The following METTL8 variants were observed in gnomAD, a reference collection of about 807,000 sequenced individuals.
METTL8 encodes methyltransferase 8, tRNA N3-cytidine, also known as tRNA N(3)-cytidine methyltransferase METTL8, mitochondrial.
A neutral mutation model predicts 48.7 loss-of-function variants in METTL8; 32 were observed. The observed-to-expected ratio is 0.66, with a 90% confidence interval of 0.50 to 0.88. METTL8 has a LOEUF of 0.88. METTL8 is among the 40% of genes least tolerant of loss of function. The pLI, the probability that METTL8 is intolerant of heterozygous loss-of-function variation, is 0.00. For missense variants in METTL8, 464 were observed against 474.4 expected, an observed-to-expected ratio of 0.98 and a Z score of 0.20; for synonymous variants, 136 against 157.1, an observed-to-expected ratio of 0.87 and a Z score of 1.01.
At chr2:171,386,695 T>G (rs1236592401) in intron 2 of METTL8, among the ~76,000 whole-genome samples, 3 of 151,984 alleles carry the variant, frequency 2.0e-5, no homozygotes, top group Non-Finnish European at 1.5e-5. Flanking sequence ...GAAGCGCTAC[T>G]TAGAGGAGGA....
intron 2 of METTL8, among the ~76,000 whole-genome samples, chr2:171,387,818 T>C (rs1439803743): frequency 6.6e-6 from 1 of 151,934 alleles, no homozygotes; most frequent in African/African-American, 2.4e-5. Context: ...ATCAATGTAT[T>C]CCCTTTCAAA....
At chr2:171,421,257 T>C (rs1691843803) in intron 1 of METTL8, among the ~76,000 whole-genome samples, 1 of 152,118 alleles carries the variant, frequency 6.6e-6, no homozygotes, top group African/African-American at 2.4e-5. Flanking sequence ...CTAGCAAACA[T>C]ATAGTTAGAA....
At chr2:171,416,795 C>T (rs1368061890) in intron 1 of METTL8, among the ~76,000 whole-genome samples, 1 of 152,210 alleles carries the variant, frequency 6.6e-6, no homozygotes, top group African/African-American at 2.4e-5. Context: ...CACATAGCCA[C>T]AAGAGCCCAC....
chr2:171,352,158 G>A (rs1417184736), intron 3 of METTL8, among the ~76,000 whole-genome samples: 1 of 152,054 alleles, frequency 6.6e-6, no homozygotes, highest in Middle Eastern at 3.2e-3. Context: ...ATTGAGAGTT[G>A]TTTTAGCAAG....
intron 5 of METTL8, among the ~76,000 whole-genome samples, chr2:171,334,418 G>A (rs75701670): frequency 0.025 from 3,785 of 152,204 alleles, 150 homozygotes; most frequent in African/African-American, 0.086. Context: ...GCAAACAGGT[G>A]TAAATATCAC....
At chr2:171,425,415 A>G (rs1232908562) in intron 1 of METTL8, among the ~76,000 whole-genome samples, 1 of 152,168 alleles carries the variant, frequency 6.6e-6, no homozygotes, top group Non-Finnish European at 1.5e-5. Flanking sequence ...CATCTCCTTC[A>G]TAGGTTACTT....
At chr2:171,395,324 A>G (rs1027525437) in intron 1 of METTL8, among the ~76,000 whole-genome samples, 1 of 152,246 alleles carries the variant, frequency 6.6e-6, no homozygotes, top group Admixed American at 6.5e-5. Context: ...GGACAAATAG[A>G]AAACAAATAC....
In METTL8 at chr2:171,317,459, T is replaced by C. The variant is rs1375445653; in HGVS notation, c.*6713A>G. The C allele has an allele frequency of 6.6e-6, 1 of 152,330 alleles. No individual in the cohort carries two copies. The highest frequency in any genetic ancestry group is 2.4e-5 in the African/African-American group (1 of 41,428). The allele number at this position is 152,330 out of a possible 1,614,324, so 9.4% of individuals were successfully genotyped here. On this transcript the variant is annotated 3_prime_UTR_variant, in exon 10 of 10. Transcript: ENST00000375258. ...ATAGGTAACATCTGATACAGAAGCA[T>C]TTCCCGCCCTGGGCCCTGGATCTAC...
At chr2:171,386,091 C>T (rs1289988859) in intron 2 of METTL8, among the ~76,000 whole-genome samples, 13 of 152,220 alleles carry the variant, frequency 8.5e-5, no homozygotes, top group Admixed American at 8.5e-4. Flanking sequence ...ACCAGATGAT[C>T]CTTGCTTTCC....
At chr2:171,382,012 G>A (rs1687597869) in intron 2 of METTL8, among the ~76,000 whole-genome samples, 1 of 152,082 alleles carries the variant, frequency 6.6e-6, no homozygotes, top group Non-Finnish European at 1.5e-5. Flanking sequence ...TCAACCTCCT[G>A]ACCTCATGAT....
At chr2:171,365,397 T>C (rs1225304027) in intron 2 of METTL8, among the ~76,000 whole-genome samples, 1 of 152,150 alleles carries the variant, frequency 6.6e-6, no homozygotes, top group Non-Finnish European at 1.5e-5. Context: ...TGATTAATCC[T>C]CTTCCTCATC....
chr2:171,410,263 C>A (rs1690613055), intron 1 of METTL8, among the ~76,000 whole-genome samples: 1 of 152,152 alleles, frequency 6.6e-6, no homozygotes. Context: ...TCCACACATG[C>A]TTTTTAAATC....
intron 3 of METTL8, among the ~76,000 whole-genome samples, chr2:171,351,522 G>A (rs1451127665): frequency 1.3e-5 from 2 of 152,154 alleles, no homozygotes; most frequent in Non-Finnish European, 2.9e-5. Flanking sequence ...AGCTTGATGG[G>A]GATGGCATTG....
intron 4 of METTL8, 137 bp from the exon 5 acceptor site, chr2:171,337,639 G>A (rs1359206024): frequency 1.8e-5 from 11 of 603,624 alleles, no homozygotes; most frequent in Non-Finnish European, 2.9e-5. Flanking sequence ...AAACTCAAAA[G>A]CAATGAAATA....
intron 2 of METTL8, among the ~76,000 whole-genome samples, chr2:171,381,333 G>A (rs190643954): frequency 3.9e-5 from 6 of 152,204 alleles, no homozygotes; most frequent in Non-Finnish European, 5.9e-5. Context: ...TACCATTCAG[G>A]ACATAGGCAT....
At chr2:171,378,569 T>C (rs964515388) in intron 2 of METTL8, among the ~76,000 whole-genome samples, 2 of 151,698 alleles carry the variant, frequency 1.3e-5, no homozygotes, top group East Asian at 1.9e-4. Context: ...GAGGTGGAGG[T>C]TGCAGTGAGC....
At chr2:171,369,389 A>G (rs916953526) in intron 2 of METTL8, among the ~76,000 whole-genome samples, 1 of 152,240 alleles carries the variant, frequency 6.6e-6, no homozygotes, top group Non-Finnish European at 1.5e-5. Flanking sequence ...ATAATGCAAG[A>G]GGATATGAGA....
At chr2:171,346,417 A>G (rs1687271809) in intron 3 of METTL8, among the ~76,000 whole-genome samples, 1 of 152,212 alleles carries the variant, frequency 6.6e-6, no homozygotes, top group Non-Finnish European at 1.5e-5. Flanking sequence ...TCTTACTTTC[A>G]GATTGTGAGA....
chr2:171,353,330 C>T (rs571045287), intron 3 of METTL8, among the ~76,000 whole-genome samples: 3 of 152,106 alleles, frequency 2.0e-5, no homozygotes, highest in South Asian at 4.2e-4. Flanking sequence ...GTGGTCTGAG[C>T]GACTGTTTGT....
Sources: allele counts gnomAD v4.1 joint callset (sites outside exome capture counted in the v4.1 genomes callset), GRCh38; gene constraint gnomAD v4.1.1; transcripts MANE v1.5; gene names NCBI Gene and HGNC (gene_info 2026-07-23, HGNC 2026-07-21).